APOB: variants seen among roughly 807,000 people sequenced by gnomAD.
APOB encodes the protein apolipoprotein B-100.
Under a neutral mutation model 314.1 loss-of-function variants are expected in APOB, and 153 were observed. The ratio of observed to expected loss-of-function variants is 0.49; its 90% CI spans 0.43 to 0.56. The LOEUF is 0.56. APOB is among the 20% of genes least tolerant of loss of function. The pLI is 0.00. For missense variants in APOB, 5,430 were observed against 5,350.7 expected, an observed-to-expected ratio of 1.01 and a Z score of -0.46; for synonymous variants, 2,087 against 2,036.4, an observed-to-expected ratio of 1.02 and a Z score of -0.67.
chr2:21,015,253 C>A lies in APOB; in HGVS notation c.3516G>T (p.Glu1172Asp). The A allele has an allele frequency of 6.2e-7, 1 of 1,614,192 alleles. No homozygotes were observed. Among genetic ancestry groups the A allele is most frequent in the Middle Eastern group, 1.7e-4 (1 of 6,060 alleles). Reference sequence around the variant, plus strand: ...CTGTGTTCCATTCAAATTCAATCTTCTCTTCATCTGAAAATACGTAGGAAA... The same window carrying A: ...CTGTGTTCCATTCAAATTCAATCTTATCTTCATCTGAAAATACGTAGGAAA... ...SKRVAWHYDE[E>D]KIEFEWNTGT... The change falls in exon 23 of 29, where the codon GAG becomes GAT. Residue 1172 changes from glutamate (E) to aspartate (D), a missense_variant. Glu to Asp is a conservative substitution (Grantham distance 45). Coordinates refer to ENST00000233242, the MANE Select transcript of APOB (RefSeq NM_000384.3).
At chr2:21,031,724 C>T (rs1313196110) in intron 10 of APOB, among the ~76,000 whole-genome samples, 3 of 152,142 alleles carry the variant, frequency 2.0e-5, no homozygotes, top group African/African-American at 7.2e-5. Context: ...GTAGCATGCA[C>T]CTGTGGTCCC....
chr2:21,016,759 C>T (rs1170462426), intron 20 of APOB, 110 bp from the exon 21 acceptor site: 37 of 743,926 alleles, frequency 5.0e-5, no homozygotes, highest in Middle Eastern at 5.1e-4. Flanking sequence ...CCAAGGCGGG[C>T]AGATCATGAG....
At chr2:21,012,753 C>T (rs1209404505) in intron 25 of APOB, 102 bp from the exon 26 acceptor site, 2 of 1,298,774 alleles carry the variant, frequency 1.5e-6, no homozygotes, top group East Asian at 4.6e-5. Flanking sequence ...TTTTTCTGGG[C>T]CAATTGTGCA....
rs776377889 is a variant in APOB at position 21,011,441 on chromosome 2, G to A, written c.5427C>T (p.Thr1809=). 6.8e-6 allele frequency: 11 copies of A among 1,613,968 alleles called. No individual in the cohort carries two copies. Among genetic ancestry groups the A allele is most frequent in the Non-Finnish European group, 9.3e-6 (11 of 1,180,018 alleles). ...SDLKYNALDL[T]NNGKLRLEPL... is the part of the protein sequence containing the mutation. ...GTTCTAGCCGTAGTTTCCCATTGTT[G>A]GTGAGATCCAGAGCATTGTATTTCA... is the stretch of plus-strand genomic sequence containing the variant. Residue 1809 remains threonine, a synonymous_variant, in exon 26 of 29, where the codon ACC becomes ACT. Transcript: ENST00000233242.
intron 20 of APOB, 134 bp downstream of exon 20, chr2:21,018,858 T>G: frequency 1.5e-6 from 2 of 1,325,318 alleles, no homozygotes; most frequent in Non-Finnish European, 1.1e-6. Flanking sequence ...ACCCAGGTCT[T>G]AGAATAGGCC....
chr2:21,028,773 C>T (rs1663805881), intron 12 of APOB, among the ~76,000 whole-genome samples: 1 of 152,202 alleles, frequency 6.6e-6, no homozygotes, highest in South Asian at 2.1e-4. Context: ...CATTAAAACA[C>T]ATAAATTATG....
intron 21 of APOB, among the ~76,000 whole-genome samples, 199 bp downstream of exon 21, chr2:21,016,240 A>T (rs1042522001): frequency 2.6e-5 from 4 of 151,916 alleles, no homozygotes; most frequent in Admixed American, 2.6e-4. Flanking sequence ...GTGAGCCGAG[A>T]TTGTGCCACT....
rs1238964793 is a variant in APOB, at chr2:21,038,203, A to G, written c.384-92T>C. The G allele has an allele frequency of 1.4e-5, 20 of 1,383,772 alleles. No homozygotes were observed. In the South Asian group the frequency reaches 2.1e-4, roughly 15 times the overall value. 85.7% of individuals were successfully genotyped at this position (1,383,772 alleles called of 1,614,324 possible). Reference sequence around the variant, plus strand: ...GTGGCACTGAAGTTTCTTTTCTCATATTTTTTTAACCAATTGTTCTTCTGA... The same window carrying G: ...GTGGCACTGAAGTTTCTTTTCTCATGTTTTTTTAACCAATTGTTCTTCTGA... On this transcript the variant is annotated intron_variant, in intron 4 of 28. Coordinates refer to ENST00000233242, the MANE Select transcript of APOB (RefSeq NM_000384.3).
At chr2:21,004,243 C>A (rs771175821) in intron 28 of APOB, 26 bp downstream of exon 28, 2 of 1,611,668 alleles carry the variant, frequency 1.2e-6, no homozygotes, top group Non-Finnish European at 1.7e-6. Flanking sequence ...CTCTTGGGGG[C>A]GTGTCACTCA....
intron 14 of APOB, 69 bp downstream of exon 14, chr2:21,027,759 C>T (rs1182140921): frequency 8.1e-7 from 1 of 1,237,918 alleles, no homozygotes; most frequent in East Asian, 2.3e-5. Flanking sequence ...TAGCTCCTGG[C>T]TCCCAGGGAC....
chr2:21,035,126 C>T (rs1025697486), intron 7 of APOB, among the ~76,000 whole-genome samples: 4 of 152,188 alleles, frequency 2.6e-5, no homozygotes, highest in Non-Finnish European at 2.9e-5. Flanking sequence ...CTCCACTAGT[C>T]TGGAGTGGCC....
chr2:21,003,271 C>T lies in APOB; in HGVS notation c.12151G>A (p.Glu4051Lys), dbSNP rs1423681004. The T allele has an allele frequency of 1.2e-6, 2 of 1,613,700 alleles. No individual in the cohort carries two copies. The highest frequency in any genetic ancestry group is 1.7e-5 in the Admixed American group (1 of 59,990). The change falls in exon 29 of 29, where the codon GAA becomes AAA. Residue 4051 changes from glutamate to lysine, a missense_variant. Around this residue, in one of 3 missense-constraint regions of APOB, gnomAD observed 3,281 missense variants for 3,171.0 expected, o/e 1.03. Coordinates refer to ENST00000233242, the MANE Select transcript of APOB (RefSeq NM_000384.3). The stretch of plus-strand genomic sequence containing the variant: ...TCCCAATTAACTTTGATCTGAGTTT[C>T]CTCATCAGATTCCCGGACCCTCAAC... ...TELRVRESDE[E>K]TQIKVNWEEE... is the part of the protein sequence containing the mutation.
At position 21,015,078 on chromosome 2, in the gene APOB, T is replaced by C; in HGVS notation, c.3691A>G (p.Ile1231Val). The part of the protein sequence containing the change: ...MTFRHVGSKL[I>V]VAMSSWLQKA... ...ACTGGCAGACTCATACTTACAACTA[T>C]TAATTTGGAACCCACGTGCCGGAAA... The change falls in exon 23 of 29, where the codon ATA becomes GTA. Residue 1231 changes from isoleucine (I) to valine (V), a missense_variant. Coordinates refer to ENST00000233242, the MANE Select transcript of APOB (RefSeq NM_000384.3). 1 of 1,613,990 alleles carries C rather than the reference T, an allele frequency of 6.2e-7. No homozygotes were observed. The highest frequency in any genetic ancestry group is 8.5e-7 in the Non-Finnish European group (1 of 1,179,890).
rs758527095 is a variant in APOB, at chr2:21,006,599, C to T, written c.10269G>A (p.Val3423=). Reference sequence around the variant, plus strand: ...GGGCTTTTGTGGTTGTTGCCACTGACACTTCCATATTTTTCGTGGTTAAGC... The same window carrying T: ...GGGCTTTTGTGGTTGTTGCCACTGATACTTCCATATTTTTCGTGGTTAAGC... ...TVSLTTKNME[V]SVATTTKAQI... is the part of the protein sequence containing the mutation. Residue 3423 remains valine, a synonymous_variant, in exon 26 of 29, where the codon GTG becomes GTA. Coordinates refer to ENST00000233242, the MANE Select transcript of APOB (RefSeq NM_000384.3). The T allele has an allele frequency of 3.1e-6, 5 of 1,613,934 alleles. No individual in the cohort carries two copies. Among genetic ancestry groups the T allele is most frequent in the Non-Finnish European group, 4.2e-6 (5 of 1,179,986 alleles).
intron 2 of APOB, among the ~76,000 whole-genome samples, chr2:21,043,081 A>G (rs1346049680): frequency 6.7e-6 from 1 of 149,506 alleles, no homozygotes; most frequent in Non-Finnish European, 1.5e-5. Context: ...GCTCCAGCAC[A>G]CAGGGTCGCG....
intron 20 of APOB, 56 bp downstream of exon 20, chr2:21,018,936 A>T: frequency 6.2e-7 from 1 of 1,612,852 alleles, no homozygotes; most frequent in South Asian, 1.1e-5. Flanking sequence ...TCTCCTCATG[A>T]ATTCTGAACC....
rs1295667387 is a variant in APOB, at chr2:21,006,782, A to C, written c.10086T>G (p.Ile3362Met). The change falls in exon 26 of 29, where the codon ATT (isoleucine) becomes ATG (methionine). Residue 3362 changes from isoleucine to methionine, a missense_variant. Transcript: ENST00000233242. ...TNAELFNQSD[I>M]VAHLLSSSSS... ...AAGATGAAGAAAGGAGATGAGCAAC[A>C]ATATCTGACTGGTTAAAAAGTTCAG... 3 of 1,614,124 alleles carry C rather than the reference A, an allele frequency of 1.9e-6. 1 individual carries two copies. In the Admixed American group the frequency reaches 5.0e-5, roughly 27 times the overall value.
chr2:21,040,204 G>A (rs899452423), intron 4 of APOB, among the ~76,000 whole-genome samples: 2 of 152,200 alleles, frequency 1.3e-5, no homozygotes, highest in Non-Finnish European at 2.9e-5. Context: ...ATGATTGTGA[G>A]ACCTCCCCAG....
At chr2:21,033,552 T>C in intron 8 of APOB, 34 bp from the exon 9 acceptor site, 1 of 1,547,406 alleles carries the variant, frequency 6.5e-7, no homozygotes, top group Non-Finnish European at 8.9e-7. Context: ...GAACTCTAGC[T>C]TTCTTCATCT....
Sources: allele counts gnomAD v4.1 joint callset (sites outside exome capture counted in the v4.1 genomes callset), GRCh38; gene constraint gnomAD v4.1.1; regional missense constraint gnomAD v4.1.1; transcripts MANE v1.5; gene names NCBI Gene and HGNC (gene_info 2026-07-23, HGNC 2026-07-21).